Variants in DOCK1 observed in about 807,000 individuals in gnomAD.
The protein encoded by DOCK1 is dedicator of cytokinesis 1, also known as dedicator of cytokinesis protein 1.
Under a neutral mutation model 262.7 loss-of-function variants are expected in DOCK1, and 138 were observed. The observed-to-expected ratio is 0.53, with a 90% CI of 0.46 to 0.61. The LOEUF (loss-of-function observed/expected upper bound fraction) is 0.61. DOCK1 is among the 20% of genes least tolerant of loss of function. DOCK1 has a pLI of 0.00. For synonymous variants in DOCK1, 866 were observed against 867.4 expected (o/e 1.00, Z 0.03); for missense variants, 1,908 against 2,370.7 (o/e 0.80, Z 4.05).
chr10:127,388,961 C>T (rs1590838188), intron 38 of DOCK1, among the ~76,000 whole-genome samples: 1 of 152,352 alleles, frequency 6.6e-6, no homozygotes, highest in East Asian at 1.9e-4. Flanking sequence ...AGAAAGACGA[C>T]GTCCACACTA....
Position 126,994,978 on chromosome 10 carries a change from A to T in DOCK1, c.474-1770A>T, listed in dbSNP as rs539275276. The stretch of plus-strand genomic sequence containing the variant: ...CACTTCTCAGATGGGGCGGCCCGTC[A>T]GAGACGCTCCTCACCTCCCAGACGG... On this transcript the variant is annotated intron_variant, in intron 6 of 51. Transcript: ENST00000623213. Among the ~76,000 whole-genome samples the T allele has an allele frequency of 1.0e-3, 155 of 151,472 alleles. 2 individuals carry two copies. The highest frequency in any genetic ancestry group is 3.5e-3 in the African/African-American group (144 of 41,258).
intron 15 of DOCK1, 89 bp downstream of exon 15, chr10:127,024,872 C>A (rs1202918907): frequency 2.1e-5 from 24 of 1,168,640 alleles, no homozygotes; most frequent in Admixed American, 2.5e-5. Context: ...TCCTCCTCAG[C>A]CCGGGAGCTG....
At chr10:127,052,384 C>T (rs1029968835) in intron 21 of DOCK1, among the ~76,000 whole-genome samples, 2 of 151,990 alleles carry the variant, frequency 1.3e-5, no homozygotes, top group Admixed American at 1.3e-4. Context: ...ATTAGCTGGG[C>T]GAGGCGGCGT....
intron 29 of DOCK1, 91 bp from the exon 30 acceptor site, chr10:127,338,915 C>CA (rs1265469050): frequency 3.6e-6 from 4 of 1,105,900 alleles, no homozygotes; most frequent in Non-Finnish European, 5.2e-6. Context: ...ACATTCCAGA[C>CA]AGTCTGGGAT....
rs1026149153 is a variant in DOCK1, at chr10:127,136,769, C to T, written c.2847+9005C>T. The T allele has an allele frequency of 3.9e-5, 6 of 152,610 alleles. No individual in the cohort carries two copies. In the South Asian group the frequency reaches 8.3e-4, roughly 21 times the overall value. The allele number at this position is 152,610 out of a possible 1,614,324, so 9.5% of individuals were successfully genotyped here. ...AACTTACTAATAGGTTAAATGTAGG[C>T]GACATTGTCCCTTGGTAGCAGCTAA... is the stretch of plus-strand genomic sequence containing the variant. On this transcript the variant is annotated intron_variant, in intron 27 of 51. Transcript: ENST00000623213.
rs2036720153 is a variant in DOCK1, at chr10:126,956,128, A to G, written c.47-14574A>G. ...CAGCCGGCGCATCTGGGCCAGGCCCAGGCTGCCACTGTGCAGTTGCTGATC... is the reference window on the plus strand; with the variant it reads ...CAGCCGGCGCATCTGGGCCAGGCCCGGGCTGCCACTGTGCAGTTGCTGATC... On this transcript the variant is annotated intron_variant, in intron 1 of 51. Transcript: ENST00000623213. Among the ~76,000 whole-genome samples, 10 of 152,338 alleles carry G rather than the reference A, an allele frequency of 6.6e-5. No individual in the cohort carries two copies. The South Asian group carries it at 2.1e-3, about 32-fold the overall frequency.
At chr10:127,433,690 G>A (rs796623703) in intron 48 of DOCK1, among the ~76,000 whole-genome samples, 6 of 152,254 alleles carry the variant, frequency 3.9e-5, no homozygotes, top group African/African-American at 1.4e-4. Flanking sequence ...CCTCCAGTGA[G>A]TGTTCAGTCC....
chr10:126,937,769 G>C (rs2034653563), intron 1 of DOCK1, among the ~76,000 whole-genome samples: 4 of 151,952 alleles, frequency 2.6e-5, no homozygotes, highest in African/African-American at 9.7e-5. Context: ...ATAGGATTTG[G>C]AAATATTTTA....
At chr10:127,267,174 T>C (rs1012243315) in intron 29 of DOCK1, among the ~76,000 whole-genome samples, 5 of 152,186 alleles carry the variant, frequency 3.3e-5, no homozygotes, top group Non-Finnish European at 7.3e-5. Context: ...CAGTTCTCTC[T>C]CAGCAGCTTT....
chr10:127,447,277 C>G, intron 50 of DOCK1, 117 bp from the exon 51 acceptor site: 2 of 1,437,042 alleles, frequency 1.4e-6, no homozygotes, highest in Non-Finnish European at 1.9e-6. Flanking sequence ...ACGTTTTCTG[C>G]CAGATGAAGT....
At chr10:127,287,567 A>C (rs890456868) in intron 29 of DOCK1, among the ~76,000 whole-genome samples, 1 of 152,220 alleles carries the variant, frequency 6.6e-6, no homozygotes, top group South Asian at 2.1e-4. Context: ...TGGATTTTGC[A>C]GATTGAATCC....
intron 29 of DOCK1, among the ~76,000 whole-genome samples, chr10:127,314,892 C>T (rs939707387): frequency 2.0e-5 from 3 of 152,192 alleles, no homozygotes; most frequent in Non-Finnish European, 4.4e-5. Context: ...GTTCAGAAAG[C>T]ACTTGGACTC....
intron 29 of DOCK1, among the ~76,000 whole-genome samples, chr10:127,321,065 A>AT (rs2062497509): frequency 6.6e-6 from 1 of 151,954 alleles, no homozygotes; most frequent in South Asian, 2.1e-4. Flanking sequence ...ATAAGCCCAC[A>AT]TTACCGCCCT....
At chr10:127,135,225 T>G (rs1334412766) in intron 27 of DOCK1, among the ~76,000 whole-genome samples, 2 of 152,188 alleles carry the variant, frequency 1.3e-5, no homozygotes, top group Non-Finnish European at 2.9e-5. Context: ...GGTGCATAGG[T>G]GGGCAAGCGT....
At chr10:127,425,852 T>C (rs375236487) in intron 46 of DOCK1, 22 bp from the exon 47 acceptor site, 4 of 1,613,850 alleles carry the variant, frequency 2.5e-6, no homozygotes, top group African/African-American at 1.3e-5. Context: ...AAATAAGGAA[T>C]GTCAACCTCT....
intron 1 of DOCK1, among the ~76,000 whole-genome samples, chr10:126,966,215 T>C (rs1365051033): frequency 6.6e-6 from 1 of 152,242 alleles, no homozygotes; most frequent in Non-Finnish European, 1.5e-5. Flanking sequence ...AATGGCTGAA[T>C]TGTATTCCAT....
At chr10:126,922,562 C>G (rs1012055937) in intron 1 of DOCK1, among the ~76,000 whole-genome samples, 3 of 152,114 alleles carry the variant, frequency 2.0e-5, no homozygotes, top group Non-Finnish European at 1.5e-5. Context: ...CGGAGGGAGG[C>G]GCCATGATCC....
At chr10:127,129,031 A>G (rs1294540636) in intron 27 of DOCK1, among the ~76,000 whole-genome samples, 2 of 152,152 alleles carry the variant, frequency 1.3e-5, no homozygotes, top group African/African-American at 4.8e-5. Flanking sequence ...CTTGTTGCAT[A>G]TCTGGGGTGT....
rs140739809 is a variant in DOCK1 at position 127,117,646 on chromosome 10, C to T, written c.2623+7292C>T. 2.4e-3 allele frequency among the ~76,000 whole-genome samples: 364 copies of T among 152,124 alleles called. 1 individual carries two copies. The highest frequency in any genetic ancestry group is 3.7e-3 in the Non-Finnish European group (250 of 68,012). Reference sequence around the variant, plus strand: ...GTATAGTTGGTGTAAACTTTATCATCGTCTGTTGAGTTCTGCTGTCACTTC... The same window carrying T: ...GTATAGTTGGTGTAAACTTTATCATTGTCTGTTGAGTTCTGCTGTCACTTC... On this transcript the variant is annotated intron_variant, in intron 25 of 51. Transcript: ENST00000623213.
Sources: allele counts gnomAD v4.1 joint callset (sites outside exome capture counted in the v4.1 genomes callset), GRCh38; gene constraint gnomAD v4.1.1; transcripts MANE v1.5; gene names NCBI Gene and HGNC (gene_info 2026-07-23, HGNC 2026-07-21).